The following AUTS2 variants were observed in gnomAD, a reference collection of about 807,000 sequenced individuals.
AUTS2 encodes autism susceptibility gene 2 protein.
In AUTS2, 17 loss-of-function variants were observed where a neutral mutation model predicts 112.4. The observed-to-expected ratio is 0.15, with a 90% CI of 0.10 to 0.23. The LOEUF is 0.23. Ranked by LOEUF, AUTS2 falls within the 10% of genes least tolerant of loss-of-function variation. The probability of loss-of-function intolerance (pLI) is 1.00; values close to 1 mark genes in which losing one functional copy is unlikely to be tolerated. For missense variants in AUTS2, 1,510 were observed against 1,701.6 expected, an observed-to-expected ratio of 0.89 and a Z score of 1.98; for synonymous variants, 751 against 702.7, an observed-to-expected ratio of 1.07 and a Z score of -1.09.
chr7:70,640,153 C>A (rs181784069), intron 5 of AUTS2, among the ~76,000 whole-genome samples: 1 of 151,918 alleles, frequency 6.6e-6, no homozygotes. Flanking sequence ...TGGTCTCTTT[C>A]TCGGGGAGGC....
At chr7:69,709,224 T>G (rs1798199648) in intron 1 of AUTS2, among the ~76,000 whole-genome samples, 1 of 152,218 alleles carries the variant, frequency 6.6e-6, no homozygotes. Flanking sequence ...TTTGGTGGCA[T>G]TAATCTTTGC....
intron 1 of AUTS2, among the ~76,000 whole-genome samples, chr7:69,751,758 G>T (rs1230180939): frequency 6.6e-6 from 1 of 152,192 alleles, no homozygotes; most frequent in African/African-American, 2.4e-5. Flanking sequence ...AGGCTTAAAA[G>T]ATTCTGAAAC....
rs758533465 is a variant in AUTS2, at chr7:70,787,293, G to C, written c.2393G>C (p.Arg798Pro). 1.9e-6 allele frequency: 3 copies of C among 1,614,222 alleles called. No homozygotes were observed. The highest frequency in any genetic ancestry group is 4.5e-5 in the East Asian group (2 of 44,872). The change falls in exon 18 of 19, where the codon CGA (arginine) becomes CCA (proline). Residue 798 changes from arginine to proline, a missense_variant. Arg to Pro is a moderately radical substitution (Grantham distance 103). Coordinates refer to ENST00000342771, the MANE Select transcript of AUTS2 (RefSeq NM_015570.4). ...NPHEPWNRLH[R>P]TPPSFPTPPP... Reference sequence around the variant, plus strand: ...CACGAACCCTGGAACCGGCTGCACCGAACGCCTCCGTCGTTCCCGACCCCT... The same window carrying C: ...CACGAACCCTGGAACCGGCTGCACCCAACGCCTCCGTCGTTCCCGACCCCT...
intron 1 of AUTS2, among the ~76,000 whole-genome samples, chr7:69,889,326 C>A (rs1215213613): frequency 1.3e-5 from 2 of 152,206 alleles, no homozygotes; most frequent in Non-Finnish European, 2.9e-5. Flanking sequence ...CAGGAAGATC[C>A]AGTTACCAAT....
At chr7:69,898,996 C>T (rs868862149) in intron 1 of AUTS2, among the ~76,000 whole-genome samples, 1 of 152,170 alleles carries the variant, frequency 6.6e-6, no homozygotes, top group African/African-American at 2.4e-5. Context: ...CCAAATCGAA[C>T]AGAAAGCTGC....
intron 4 of AUTS2, among the ~76,000 whole-genome samples, chr7:70,429,226 A>T (rs960636594): frequency 1.3e-5 from 2 of 152,234 alleles, no homozygotes; most frequent in East Asian, 3.8e-4. Flanking sequence ...AATGAGATTG[A>T]CTTGTCAGTA....
rs375078647 is a variant in AUTS2 at position 70,021,180 on chromosome 7, G to T, written c.523-96952G>T. On this transcript the variant is annotated intron_variant, in intron 2 of 18. Transcript: ENST00000342771. ...TATTTTTAGTAGAGACGGGGTTTCT[G>T]TATGTTGGTCAGGCTGGTCTCGAAC... Among the ~76,000 whole-genome samples the T allele has an allele frequency of 7.9e-5, 12 of 151,630 alleles. No homozygotes were observed. In the East Asian group the frequency reaches 2.2e-3, roughly 27 times the overall value.
intron 2 of AUTS2, among the ~76,000 whole-genome samples, chr7:69,987,320 G>C (rs1284331208): frequency 6.6e-6 from 1 of 152,206 alleles, no homozygotes; most frequent in Non-Finnish European, 1.5e-5. Context: ...TTGAATCCTA[G>C]TTCGAGGGAA....
In AUTS2 at chr7:69,914,328, C is replaced by T. The variant is rs147585664; in HGVS notation, c.522+14830C>T. Among the ~76,000 whole-genome samples the T allele has an allele frequency of 3.9e-4, 56 of 142,850 alleles. No homozygotes were observed. The East Asian group carries it at 0.011, about 29-fold the overall frequency. 93.7% of individuals were successfully genotyped at this position (142,850 alleles called of 152,430 possible). ...CTTTAATTGGCTACAAAAAAAAGCA[C>T]ACACACAGACACAGACACACACACA... is the stretch of plus-strand genomic sequence containing the variant. On this transcript the variant is annotated intron_variant, in intron 2 of 18. Transcript: ENST00000342771.
intron 6 of AUTS2, among the ~76,000 whole-genome samples, chr7:70,761,471 G>T (rs1789559322): frequency 6.6e-6 from 1 of 152,354 alleles, no homozygotes; most frequent in East Asian, 1.9e-4. Context: ...AAAGGATGTT[G>T]TCATCTATTC....
At chr7:70,668,021 G>T (rs965633043) in intron 5 of AUTS2, among the ~76,000 whole-genome samples, 1 of 152,168 alleles carries the variant, frequency 6.6e-6, no homozygotes, top group Non-Finnish European at 1.5e-5. Flanking sequence ...TTTCACCTAG[G>T]CTGGATGGAG....
chr7:69,958,180 G>A (rs1224047663), intron 2 of AUTS2, among the ~76,000 whole-genome samples: 1 of 152,034 alleles, frequency 6.6e-6, no homozygotes, highest in Admixed American at 6.6e-5. Flanking sequence ...GGCCAATCCC[G>A]ACCTGGTATC....
intron 4 of AUTS2, among the ~76,000 whole-genome samples, chr7:70,321,700 A>G (rs1165477039): frequency 6.6e-6 from 1 of 152,210 alleles, no homozygotes; most frequent in African/African-American, 2.4e-5. Context: ...TTGACCAGAT[A>G]AATATGCAGA....
intron 1 of AUTS2, among the ~76,000 whole-genome samples, chr7:69,611,416 C>G (rs777593195): frequency 4.6e-5 from 7 of 152,116 alleles, no homozygotes; most frequent in Non-Finnish European, 1.0e-4. Flanking sequence ...GTGTTAGACA[C>G]TTGTGTTGTT....
chr7:70,676,368 G>C (rs1287441125), intron 5 of AUTS2, among the ~76,000 whole-genome samples: 1 of 152,076 alleles, frequency 6.6e-6, no homozygotes, highest in Non-Finnish European at 1.5e-5. Flanking sequence ...TGAGGTCGAG[G>C]CTGCAGTGAG....
rs148956259 is a variant in AUTS2, at chr7:69,829,956, A to G, written c.310-69330A>G. Among the ~76,000 whole-genome samples the G allele has an allele frequency of 4.6e-3, 706 of 152,312 alleles. 5 individuals are homozygous for G. Among genetic ancestry groups the G allele is most frequent in the Admixed American group, 8.8e-3 (134 of 15,308 alleles). ...GCACACATATGTTTATTGCAACACT[A>G]TTCACGATAGCAAAGACAGGGAACT... is the stretch of plus-strand genomic sequence containing the variant. On this transcript the variant is annotated intron_variant, in intron 1 of 18. Transcript: ENST00000342771.
intron 5 of AUTS2, among the ~76,000 whole-genome samples, chr7:70,565,862 T>G (rs1801688033): frequency 6.6e-6 from 1 of 152,222 alleles, no homozygotes; most frequent in Admixed American, 6.5e-5. Context: ...TTGTTGTAAC[T>G]ATTAGAATAC....
chr7:70,099,987 G>A (rs1804399933), intron 2 of AUTS2, among the ~76,000 whole-genome samples: 3 of 152,050 alleles, frequency 2.0e-5, no homozygotes, highest in South Asian at 2.1e-4. Flanking sequence ...AAAATTAAGG[G>A]TAGAGAACAG....
chr7:70,752,433 G>A (rs1788925925), intron 6 of AUTS2, among the ~76,000 whole-genome samples: 1 of 152,154 alleles, frequency 6.6e-6, no homozygotes, highest in African/African-American at 2.4e-5. Flanking sequence ...TAAGACCCTT[G>A]GGGTCGGTGC....
Sources: gnomAD v4.1 joint callset for allele counts (sites outside exome capture counted in the v4.1 genomes callset) on GRCh38, gnomAD v4.1.1 for gene constraint, MANE v1.5 for transcripts, NCBI Gene and HGNC (gene_info 2026-07-23, HGNC 2026-07-21) for gene names.